The following SP4 variants were observed in gnomAD, a reference collection of about 807,000 sequenced individuals.
SP4 encodes transcription factor Sp4.
Under a neutral mutation model 72.8 loss-of-function variants are expected in SP4, and 19 were observed. That is an observed-to-expected ratio of 0.26 (90% CI 0.18 to 0.38). SP4 has a LOEUF of 0.38. SP4 is among the 10% of genes least tolerant of loss of function. The pLI is 1.00. For synonymous variants in SP4, 395 were observed against 333.1 expected (o/e 1.19, Z -2.02); for missense variants, 1,008 against 926.3 (o/e 1.09, Z -1.14).
intron 5 of SP4, among the ~76,000 whole-genome samples, chr7:21,494,009 A>G (rs117509631): frequency 0.025 from 3,757 of 152,328 alleles, 57 homozygotes; most frequent in Non-Finnish European, 0.037. Context: ...GAAAAAGTCA[A>G]TGTAATTCAC....
intron 3 of SP4, among the ~76,000 whole-genome samples, chr7:21,461,555 C>G (rs1457089853): frequency 6.6e-6 from 1 of 152,196 alleles, no homozygotes; most frequent in African/African-American, 2.4e-5. Context: ...GCCCGCCAAG[C>G]CCACACCCAC....
intron 3 of SP4, among the ~76,000 whole-genome samples, chr7:21,457,510 C>A (rs952458183): frequency 1.3e-5 from 2 of 152,068 alleles, no homozygotes; most frequent in African/African-American, 2.4e-5. Context: ...TATTTGGTTC[C>A]ATTTTTTATA....
At chr7:21,431,953 A>G (rs1782870371) in intron 3 of SP4, among the ~76,000 whole-genome samples, 1 of 152,222 alleles carries the variant, frequency 6.6e-6, no homozygotes, top group Non-Finnish European at 1.5e-5. Context: ...GTAAAATTGT[A>G]AATTGCCAGA....
At chr7:21,436,514 G>A (rs2282888) in intron 3 of SP4, among the ~76,000 whole-genome samples, 109,781 of 152,142 alleles carry the variant, frequency 0.72, 40,604 homozygotes, top group East Asian at 0.9. Context: ...TGTTTTTACT[G>A]TTTGAAGTGA....
intron 5 of SP4, among the ~76,000 whole-genome samples, chr7:21,489,529 C>T (rs956550536): frequency 1.4e-4 from 21 of 149,484 alleles, no homozygotes; most frequent in Non-Finnish European, 2.8e-4. Flanking sequence ...CTATGTTGCC[C>T]AGGCTGGTCT....
intron 5 of SP4, among the ~76,000 whole-genome samples, chr7:21,495,440 G>C (rs1781677255): frequency 6.7e-6 from 1 of 149,306 alleles, no homozygotes; most frequent in Admixed American, 7.0e-5. Context: ...CAAAGGATTT[G>C]ACACTTCACC....
intron 3 of SP4, among the ~76,000 whole-genome samples, chr7:21,453,911 A>T (rs1262105163): frequency 6.6e-6 from 1 of 152,208 alleles, no homozygotes; most frequent in African/African-American, 2.4e-5. Flanking sequence ...GCTTTATCCT[A>T]TCTAACTTAA....
chr7:21,459,434 C>A (rs1783882836), intron 3 of SP4, among the ~76,000 whole-genome samples: 1 of 152,064 alleles, frequency 6.6e-6, no homozygotes. Context: ...TTATACCCAC[C>A]CACACAAGCT....
chr7:21,505,552 A>G (rs1781972458), intron 5 of SP4, among the ~76,000 whole-genome samples: 1 of 152,198 alleles, frequency 6.6e-6, no homozygotes, highest in Non-Finnish European at 1.5e-5. Flanking sequence ...TCCTAGTTAT[A>G]GCATCTTCCC....
At position 21,428,198 on chromosome 7, in the gene SP4, C is replaced by CCCCCCCCCCCAAA; in HGVS notation, c.-53_-52insCCCCCCCCCAAAC. The CCCCCCCCCCCAAA allele has an allele frequency of 9.1e-7, 1 of 1,099,422 alleles. No homozygotes were observed. Among genetic ancestry groups the CCCCCCCCCCCAAA allele is most frequent in the Non-Finnish European group, 1.3e-6 (1 of 750,816 alleles). The allele number at this position is 1,099,422 out of a possible 1,614,324, so 68.1% of individuals were successfully genotyped here. ...CTCTCCTCCCGCCTCGCCCCCACCCCCACCCACCTCTATCCCAGTGTCTCC... is the reference window on the plus strand; with the variant it reads ...CTCTCCTCCCGCCTCGCCCCCACCCCCCCCCCCCCCAAACACCCACCTCTATCCCAGTGTCTCC... On this transcript the variant is annotated 5_prime_UTR_variant, in exon 1 of 6. Transcript: ENST00000222584.
chr7:21,428,203 C>CCCCCCACA lies in SP4; in HGVS notation c.-49_-48insCCCCCACA. 5.8e-6 allele frequency: 7 copies of CCCCCCACA among 1,216,704 alleles called. No homozygotes were observed. Among genetic ancestry groups the CCCCCCACA allele is most frequent in the Admixed American group, 2.1e-5 (1 of 48,074 alleles). 75.4% of individuals were successfully genotyped at this position (1,216,704 alleles called of 1,614,324 possible). A position where few individuals can be genotyped will look rare whatever the true frequency, so the allele number is the denominator to read the frequency against. Reference sequence around the variant, plus strand: ...CTCCCGCCTCGCCCCCACCCCCACCCACCTCTATCCCAGTGTCTCCGTCTG... The same window carrying CCCCCCACA: ...CTCCCGCCTCGCCCCCACCCCCACCCCCCCCACAACCTCTATCCCAGTGTCTCCGTCTG... On this transcript the variant is annotated 5_prime_UTR_variant, in exon 1 of 6. Transcript: ENST00000222584.
intron 3 of SP4, among the ~76,000 whole-genome samples, chr7:21,461,556 C>A (rs1283487761): frequency 6.6e-6 from 1 of 152,216 alleles, no homozygotes; most frequent in Non-Finnish European, 1.5e-5. Flanking sequence ...CCCGCCAAGC[C>A]CACACCCACC....
chr7:21,465,572 T>C (rs1784141907), intron 3 of SP4, among the ~76,000 whole-genome samples: 1 of 152,234 alleles, frequency 6.6e-6, no homozygotes, highest in Non-Finnish European at 1.5e-5. Flanking sequence ...CGAGTGATTA[T>C]TGTGTGGCAG....
In SP4 at chr7:21,428,188, G is replaced by GAGCCCCCCCCCCCCCCCC; in HGVS notation, c.-64_-63insAGCCCCCCCCCCCCCCCC. ...CGGGACCGGCCTCTCCTCCCGCCTCGCCCCCACCCCCACCCACCTCTATCC... is the reference window on the plus strand; with the variant it reads ...CGGGACCGGCCTCTCCTCCCGCCTCGAGCCCCCCCCCCCCCCCCCCCCCACCCCCACCCACCTCTATCC... On this transcript the variant is annotated 5_prime_UTR_variant, in exon 1 of 6. Coordinates refer to ENST00000222584, the MANE Select transcript of SP4 (RefSeq NM_003112.5). 2.7e-6 allele frequency: 1 copy of GAGCCCCCCCCCCCCCCCC among 371,886 alleles called. No individual in the cohort carries two copies. 23.0% of individuals were successfully genotyped at this position (371,886 alleles called of 1,614,324 possible).
intron 5 of SP4, among the ~76,000 whole-genome samples, chr7:21,498,306 C>G (rs1346973156): frequency 6.6e-6 from 1 of 152,156 alleles, no homozygotes; most frequent in African/African-American, 2.4e-5. Context: ...TATGCAAATA[C>G]TGTATGCACC....
At chr7:21,487,340 CTCTCTCTTTCTCTG>C (rs2128412548) in intron 5 of SP4, among the ~76,000 whole-genome samples, 1 of 149,742 alleles carries the variant, frequency 6.7e-6, no homozygotes, top group East Asian at 1.9e-4. Context: ...CTCTCCCTCT[CTCTCTCTTTCTCTG>C]TCTCTCTCTC....
chr7:21,461,614 C>G (rs1212232184), intron 3 of SP4, among the ~76,000 whole-genome samples: 1 of 152,198 alleles, frequency 6.6e-6, no homozygotes, highest in Non-Finnish European at 1.5e-5. Context: ...CCGGTTGCCA[C>G]CCGTGCCTCT....
rs949028733 is a variant in SP4, at chr7:21,450,196, A to C, written c.1678+19353A>C. On this transcript the variant is annotated intron_variant, in intron 3 of 5. Coordinates refer to ENST00000222584, the MANE Select transcript of SP4 (RefSeq NM_003112.5). ...CTTTAAGCCAGGTACTTCATTGTAA[A>C]GATTTTCCAGGATTTCTGTTTTTAT... Among the ~76,000 whole-genome samples, 3 of 152,084 alleles carry C rather than the reference A, an allele frequency of 2.0e-5. 1 individual carries two copies. The South Asian group carries it at 6.2e-4, about 31-fold the overall frequency.
At chr7:21,479,297 A>C (rs2128410374) in intron 4 of SP4, among the ~76,000 whole-genome samples, 1 of 147,064 alleles carries the variant, frequency 6.8e-6, no homozygotes, top group African/African-American at 2.5e-5. Flanking sequence ...TATAGTTTTT[A>C]CTCTTACATT....
Sources: gnomAD v4.1 joint callset for allele counts (sites outside exome capture counted in the v4.1 genomes callset) on GRCh38, gnomAD v4.1.1 for gene constraint, MANE v1.5 for transcripts, NCBI Gene and HGNC (gene_info 2026-07-23, HGNC 2026-07-21) for gene names.